DGKH: variants seen among roughly 807,000 people sequenced by gnomAD.
DGKH encodes the protein diacylglycerol kinase eta.
In DGKH, 90 loss-of-function variants were observed where a neutral mutation model predicts 159.3. That is an observed-to-expected ratio of 0.57 (90% CI 0.48 to 0.67). The LOEUF is 0.67. Among genes scored for constraint, DGKH ranks in the 30% least tolerant of loss-of-function variants. DGKH has a pLI of 0.00. For missense variants in DGKH, 1,181 were observed against 1,506.1 expected (o/e 0.78, Z 3.57); for synonymous variants, 536 against 553.8 (o/e 0.97, Z 0.45).
chr13:42,204,908 TC>T (rs1270599017), intron 20 of DGKH, among the ~76,000 whole-genome samples: 1 of 152,094 alleles, frequency 6.6e-6, no homozygotes, highest in African/African-American at 2.4e-5. Context: ...TAATGAGATG[TC>T]CCATTACAGA....
At position 42,165,341 on chromosome 13, in the gene DGKH, C is replaced by T; in HGVS notation, c.866C>T (p.Ala289Val). 6.4e-7 allele frequency: 1 copy of T among 1,555,406 alleles called. No individual in the cohort carries two copies. The highest frequency in any genetic ancestry group is 8.7e-7 in the Non-Finnish European group (1 of 1,153,172). The change falls in exon 8 of 30, where the codon GCC (alanine) becomes GTC (valine). Residue 289 changes from alanine (A) to valine (V), a missense_variant. This residue lies in a region of DGKH where 369 missense variants were observed against 519.4 expected (regional missense o/e 0.71). Coordinates refer to ENST00000337343, the MANE Select transcript of DGKH (RefSeq NM_178009.5). ...CLWCKTMVHT[A>V]CKDLYHPICP... is the part of the protein sequence containing the mutation. ...TTTGTTTGTCATTAGGTACACACTG[C>T]CTGCAAAGATTTATACCATCCAATA...
intron 1 of DGKH, among the ~76,000 whole-genome samples, chr13:42,092,663 G>A (rs1823924212): frequency 6.6e-6 from 1 of 152,040 alleles, no homozygotes; most frequent in Non-Finnish European, 1.5e-5. Flanking sequence ...GATAGAAGGA[G>A]TAAGTTGTAG....
intron 9 of DGKH, 64 bp downstream of exon 9, chr13:42,166,738 T>C: frequency 7.4e-7 from 1 of 1,344,946 alleles, no homozygotes; most frequent in South Asian, 2.2e-5. Context: ...ATGTGTTTGG[T>C]TTTTCAGCTC....
In DGKH at chr13:42,236,147, A is replaced by G. The variant is rs939994487; in HGVS notation, c.*6959A>G. On this transcript the variant is annotated 3_prime_UTR_variant, in exon 30 of 30. Transcript: ENST00000337343. ...GTAACAGACAGTATTACTTGTAATCATCAAAAGAAGGTTTCCACAAGTTGT... is the reference window on the plus strand; with the variant it reads ...GTAACAGACAGTATTACTTGTAATCGTCAAAAGAAGGTTTCCACAAGTTGT... 8 of 152,226 alleles carry G rather than the reference A, an allele frequency of 5.3e-5. No homozygotes were observed. The highest frequency in any genetic ancestry group is 8.8e-5 in the Non-Finnish European group (6 of 68,028). The allele number at this position is 152,226 out of a possible 1,614,324, so 9.4% of individuals were successfully genotyped here.
At chr13:42,228,094 T>G (rs879383334) in intron 29 of DGKH, among the ~76,000 whole-genome samples, 5 of 152,174 alleles carry the variant, frequency 3.3e-5, no homozygotes, top group Non-Finnish European at 7.4e-5. Flanking sequence ...TAACTGTTTC[T>G]TTTAGTTTTT....
intron 1 of DGKH, among the ~76,000 whole-genome samples, chr13:42,041,314 G>GA (rs1566070197): frequency 6.6e-6 from 1 of 152,188 alleles, no homozygotes; most frequent in Non-Finnish European, 1.5e-5. Context: ...TCGAGACCGC[G>GA]CCCTGGTCGT....
rs764148382 is a variant in DGKH at position 42,194,937 on chromosome 13, A to G, written c.2088A>G (p.Gln696=). Reference sequence around the variant, plus strand: ...CCCGGGCAAGTTATGGCCATTCCCAAACTGATTCTGTCCCTGGTCCAGCTG... The same window carrying G: ...CCCGGGCAAGTTATGGCCATTCCCAGACTGATTCTGTCCCTGGTCCAGCTG... The part of the protein sequence containing the change: ...PDARASYGHS[Q]TDSVPGPAVA... Residue 696 remains glutamine (Q), a synonymous_variant, in exon 17 of 30, where the codon CAA becomes CAG. Transcript: ENST00000337343. 5 of 1,613,894 alleles carry G rather than the reference A, an allele frequency of 3.1e-6. No homozygotes were observed. Among genetic ancestry groups the G allele is most frequent in the East Asian group, 2.2e-5 (1 of 44,896 alleles).
At chr13:42,243,333 C>T (rs1033561239), downstream of DGKH, among the ~76,000 whole-genome samples, 4 of 152,072 alleles carry the variant, frequency 2.6e-5, no homozygotes, top group Admixed American at 6.5e-5. Flanking sequence ...ATTGATAGTT[C>T]ATTTCTTCTT....
At chr13:42,093,845 A>G (rs1954470447) in intron 1 of DGKH, among the ~76,000 whole-genome samples, 1 of 152,168 alleles carries the variant, frequency 6.6e-6, no homozygotes. Flanking sequence ...GGTAGTTGCC[A>G]GGGGCTGAGA....
chr13:42,174,086 A>G lies in DGKH; in HGVS notation c.1394A>G (p.Lys465Arg). 2 of 1,613,954 alleles carry G rather than the reference A, an allele frequency of 1.2e-6. No individual in the cohort carries two copies. The highest frequency in any genetic ancestry group is 2.2e-5 in the South Asian group (2 of 91,064). Residue 465 changes from lysine (K) to arginine (R), a missense_variant, in exon 12 of 30, where the codon AAA becomes AGA. Around this residue, in one of 5 missense-constraint regions of DGKH, gnomAD observed 369 missense variants for 519.4 expected, o/e 0.71. Transcript: ENST00000337343. ...DRWSIMTYEL[K>R]LPPKASLLPG... is the part of the protein sequence containing the mutation. The stretch of plus-strand genomic sequence containing the variant: ...TGGAGTATAATGACATATGAACTCA[A>G]ATTGCCACCAAAAGCTTCCCTACTT...
In DGKH at chr13:42,198,615, A is replaced by G. The variant is rs1486799205; in HGVS notation, c.2285+20A>G. 6.3e-7 allele frequency: 1 copy of G among 1,585,742 alleles called. No homozygotes were observed. The highest frequency in any genetic ancestry group is 2.2e-5 in the East Asian group (1 of 44,650). ...TTCCGTGTAAGAAAATGCTTTTGCA[A>G]ATATTTTGTTTGGGTTTTTCTTGTT... On this transcript the variant is annotated intron_variant, in intron 18 of 29. Transcript: ENST00000337343.
At chr13:42,127,652 T>C in intron 2 of DGKH, 79 bp downstream of exon 2, 1 of 1,078,352 alleles carries the variant, frequency 9.3e-7, no homozygotes, top group Non-Finnish European at 1.4e-6. Context: ...GCTGTTTTTG[T>C]CTTGGAAGCG....
intron 1 of DGKH, among the ~76,000 whole-genome samples, chr13:42,119,948 G>C (rs982556545): frequency 2.0e-5 from 3 of 152,056 alleles, no homozygotes; most frequent in Admixed American, 6.6e-5. Flanking sequence ...CTTAAATACT[G>C]ATAATACAAA....
chr13:42,167,110 A>G (rs983319393), intron 9 of DGKH, among the ~76,000 whole-genome samples: 2 of 152,038 alleles, frequency 1.3e-5, no homozygotes, highest in African/African-American at 4.8e-5. Context: ...CTCAGTTCAC[A>G]TAAATGACAA....
chr13:42,215,472 G>A, intron 25 of DGKH, 103 bp from the exon 26 acceptor site: 1 of 865,566 alleles, frequency 1.2e-6, no homozygotes, highest in South Asian at 2.6e-5. Context: ...GATTAAAAAT[G>A]TGTGCTGTGA....
At chr13:42,181,637 C>A (rs1046794455) in intron 13 of DGKH, 21 of 307,830 alleles carry the variant, frequency 6.8e-5, no homozygotes, top group African/African-American at 4.3e-4. Context: ...TGATGTCAGG[C>A]CTTGTGAGCC....
intron 3 of DGKH, among the ~76,000 whole-genome samples, chr13:42,142,985 G>T (rs1304866474): frequency 1.3e-5 from 2 of 152,176 alleles, no homozygotes; most frequent in East Asian, 3.9e-4. Context: ...AGTTTTCAAA[G>T]GGAATGCTTC....
Position 42,254,585 on chromosome 13 carries a change from A to T in DGKH, n.4128-1699A>T, listed in dbSNP as rs189794353. Among the ~76,000 whole-genome samples the T allele has an allele frequency of 2.1e-3, 324 of 151,994 alleles. 1 individual carries two copies. The highest frequency in any genetic ancestry group is 5.8e-3 in the South Asian group (28 of 4,808). ...GAGGTGGAGGTTACAGTGAGCCAAG[A>T]TCATGCCATTGCACTCCACTAGGCA... is the stretch of plus-strand genomic sequence containing the variant. On this transcript the variant is annotated intron_variant and non_coding_transcript_variant, in intron 30 of 30. Coordinates refer to the DGKH transcript ENST00000498255.
At chr13:42,152,258 T>C (rs1338416987) in intron 3 of DGKH, among the ~76,000 whole-genome samples, 1 of 152,156 alleles carries the variant, frequency 6.6e-6, no homozygotes, top group Non-Finnish European at 1.5e-5. Flanking sequence ...AGGAAACTAG[T>C]ACAATGTGGA....
Sources: gnomAD v4.1 joint callset for allele counts (sites outside exome capture counted in the v4.1 genomes callset) on GRCh38, gnomAD v4.1.1 for gene constraint, gnomAD v4.1.1 regional missense constraint, MANE v1.5 for transcripts, NCBI Gene and HGNC (gene_info 2026-07-23, HGNC 2026-07-21) for gene names.